DAPK1: variants seen among roughly 807,000 people sequenced by gnomAD.
DAPK1 encodes death associated protein kinase 1.
A neutral mutation model predicts 144.9 loss-of-function variants in DAPK1; 56 were observed. The observed-to-expected ratio is 0.39, with a 90% CI of 0.31 to 0.48. DAPK1 has a LOEUF of 0.48. Among genes scored for constraint, DAPK1 ranks in the 20% least tolerant of loss-of-function variants. The pLI is 0.95. For missense variants in DAPK1, 1,454 were observed against 1,875.4 expected (o/e 0.78, Z 4.15); for synonymous variants, 690 against 749.0 (o/e 0.92, Z 1.29).
At chr9:87,602,673 A>G (rs1355153887) in intron 2 of DAPK1, among the ~76,000 whole-genome samples, 2 of 151,006 alleles carry the variant, frequency 1.3e-5, no homozygotes, top group African/African-American at 4.9e-5. Flanking sequence ...TTGCTCTGTC[A>G]CCCAGGCTGG....
At chr9:87,597,420 T>C (rs953745017) in intron 2 of DAPK1, among the ~76,000 whole-genome samples, 2 of 152,160 alleles carry the variant, frequency 1.3e-5, no homozygotes, top group African/African-American at 2.4e-5. Flanking sequence ...GGGGAAAATG[T>C]AGAGACTTAA....
At chr9:87,531,839 G>A (rs925426933) in intron 2 of DAPK1, among the ~76,000 whole-genome samples, 1 of 152,160 alleles carries the variant, frequency 6.6e-6, no homozygotes, top group Non-Finnish European at 1.5e-5. Flanking sequence ...TGAGAGGTGG[G>A]GATGAGTTCA....
chr9:87,701,840 C>T (rs1486345790), intron 24 of DAPK1: 2 of 469,752 alleles, frequency 4.3e-6, no homozygotes, highest in South Asian at 3.1e-5. Flanking sequence ...CTCCAGAAAA[C>T]CCTGCCCTTC....
chr9:87,677,938 C>T (rs1417275549), intron 19 of DAPK1, among the ~76,000 whole-genome samples: 2 of 152,210 alleles, frequency 1.3e-5, no homozygotes, highest in Non-Finnish European at 2.9e-5. Flanking sequence ...GAGCCCCATT[C>T]CTTCCAGCCT....
chr9:87,625,845 T>A (rs1829471731), intron 3 of DAPK1, among the ~76,000 whole-genome samples: 1 of 152,214 alleles, frequency 6.6e-6, no homozygotes, highest in South Asian at 2.1e-4. Flanking sequence ...TAAGCAAAGT[T>A]AGAAGGCAAA....
At chr9:87,598,228 C>T (rs36206855) in intron 2 of DAPK1, among the ~76,000 whole-genome samples, 50 of 152,204 alleles carry the variant, frequency 3.3e-4, no homozygotes, top group East Asian at 2.3e-3. Flanking sequence ...CCACTAAAAC[C>T]GAGCCAGGGA....
intron 3 of DAPK1, among the ~76,000 whole-genome samples, chr9:87,620,987 GC>G (rs1391705675): frequency 6.6e-6 from 1 of 152,178 alleles, no homozygotes; most frequent in Non-Finnish European, 1.5e-5. Flanking sequence ...GGCATGTGCT[GC>G]GGCCACTCTG....
chr9:87,632,636 G>A, intron 3 of DAPK1: 1 of 982,794 alleles, frequency 1.0e-6, no homozygotes, highest in Non-Finnish European at 1.2e-6. Flanking sequence ...ATATATGTAG[G>A]GATGAAGGAG....
chr9:87,668,879 A>G lies in DAPK1; in HGVS notation c.2001+205A>G, dbSNP rs959822271. On this transcript the variant is annotated intron_variant, in intron 19 of 25. Coordinates refer to ENST00000408954, the MANE Select transcript of DAPK1 (RefSeq NM_004938.4). ...TTTTCTTCTCTATTTGGACTTGGAA[A>G]TCATTTAGCATGTTTGCAGTTGCCG... The G allele has an allele frequency of 1.3e-5, 7 of 545,042 alleles. 2 individuals are homozygous for G. Among genetic ancestry groups the G allele is most frequent in the Non-Finnish European group, 3.3e-6 (1 of 305,602 alleles). 33.8% of individuals were successfully genotyped at this position (545,042 alleles called of 1,614,324 possible). A position where few individuals can be genotyped will look rare whatever the true frequency, so the allele number is the denominator to read the frequency against.
chr9:87,567,894 G>C (rs952137192), intron 2 of DAPK1, among the ~76,000 whole-genome samples: 1 of 152,134 alleles, frequency 6.6e-6, no homozygotes, highest in African/African-American at 2.4e-5. Flanking sequence ...AAATGCTTTC[G>C]TGTTCACTTT....
chr9:87,597,858 C>T (rs1407681264), intron 2 of DAPK1, among the ~76,000 whole-genome samples: 5 of 152,172 alleles, frequency 3.3e-5, no homozygotes, highest in Non-Finnish European at 7.4e-5. Context: ...AACCCTGTCC[C>T]TAAACACACA....
chr9:87,557,927 T>G (rs11141885), intron 2 of DAPK1, among the ~76,000 whole-genome samples: 51,919 of 151,700 alleles, frequency 0.34, 9,184 homozygotes, highest in Middle Eastern at 0.51. Flanking sequence ...GGTGACAGAG[T>G]GAGACTCCGT....
At chr9:87,697,474 A>G (rs1825300055) in intron 22 of DAPK1, among the ~76,000 whole-genome samples, 1 of 152,218 alleles carries the variant, frequency 6.6e-6, no homozygotes, top group African/African-American at 2.4e-5. Flanking sequence ...TTCCTGCCTC[A>G]AAGGCCCACT....
At position 87,658,091 on chromosome 9, in the gene DAPK1, C is replaced by A; in HGVS notation, c.1887C>A (p.Leu629=). The A allele has an allele frequency of 6.5e-7, 1 of 1,535,998 alleles. No homozygotes were observed. The change falls in exon 18 of 26, where the codon CTC becomes CTA. Residue 629 remains leucine, a synonymous_variant. Coordinates refer to ENST00000408954, the MANE Select transcript of DAPK1 (RefSeq NM_004938.4). ...NNGILDVVRY[L]CLMGASVEAL... ...GAATCCTAGACGTGGTCCGGTATCT[C>A]TGTCTGATGGGAGCCAGCGTTGAGG...
chr9:87,618,253 A>T (rs1426445844), intron 3 of DAPK1, among the ~76,000 whole-genome samples: 1 of 152,208 alleles, frequency 6.6e-6, no homozygotes, highest in Non-Finnish European at 1.5e-5. Context: ...ACCCACTAGG[A>T]TGGCTCTAAT....
rs149500891 is a variant in DAPK1, at chr9:87,651,747, C to T, written c.1824+23C>T. The T allele has an allele frequency of 2.5e-6, 4 of 1,606,506 alleles. No individual in the cohort carries two copies. The East Asian group carries it at 8.9e-5, about 36-fold the overall frequency. On this transcript the variant is annotated intron_variant, in intron 17 of 25. Coordinates refer to ENST00000408954, the MANE Select transcript of DAPK1 (RefSeq NM_004938.4). ...AAGGTATGCACAGAGAACAGGATCC[C>T]TACAGCTTCCAACTGTGTCCATCCA...
At chr9:87,622,755 C>CA (rs1367244199) in intron 3 of DAPK1, among the ~76,000 whole-genome samples, 1 of 151,840 alleles carries the variant, frequency 6.6e-6, no homozygotes, top group Non-Finnish European at 1.5e-5. Context: ...CACTAAAATA[C>CA]AAAAAATCAG....
chr9:87,638,917 G>T (rs1277910025), intron 4 of DAPK1, among the ~76,000 whole-genome samples: 1 of 152,178 alleles, frequency 6.6e-6, no homozygotes, highest in African/African-American at 2.4e-5. Flanking sequence ...CTGGGAGCTG[G>T]AAATGCAAAA....
chr9:87,627,792 G>T (rs1262283426), intron 3 of DAPK1, among the ~76,000 whole-genome samples: 1 of 152,188 alleles, frequency 6.6e-6, no homozygotes. Flanking sequence ...TGGGCAAGAG[G>T]CACTCACAGA....
Sources: allele counts gnomAD v4.1 joint callset (sites outside exome capture counted in the v4.1 genomes callset), GRCh38; gene constraint gnomAD v4.1.1; transcripts MANE v1.5; gene names NCBI Gene and HGNC (gene_info 2026-07-23, HGNC 2026-07-21).